The following SEC22B variants were observed in gnomAD, a reference collection of about 807,000 sequenced individuals.
The protein encoded by SEC22B is vesicle-trafficking protein SEC22b.
A neutral mutation model predicts 31.4 loss-of-function variants in SEC22B; 10 were observed. That is an observed-to-expected ratio of 0.32 (90% CI 0.20 to 0.54). SEC22B has a LOEUF of 0.54. Among genes scored for constraint, SEC22B ranks in the 20% least tolerant of loss-of-function variants. The pLI is 0.94. For synonymous variants in SEC22B, 60 were observed against 95.9 expected (o/e 0.63, Z 2.19); for missense variants, 130 against 263.4 (o/e 0.49, Z 3.50).
chr1:120,155,691 A>C lies in SEC22B; in HGVS notation c.*1347T>G, dbSNP rs1657619045. The C allele has an allele frequency of 6.6e-6, 1 of 151,912 alleles. No homozygotes were observed. The highest frequency in any genetic ancestry group is 1.5e-5 in the Non-Finnish European group (1 of 67,878). 9.4% of individuals were successfully genotyped at this position (151,912 alleles called of 1,614,324 possible). A position where few individuals can be genotyped will look rare whatever the true frequency, so the allele number is the denominator to read the frequency against. On this transcript the variant is annotated 3_prime_UTR_variant, in exon 5 of 5. Transcript: ENST00000578049. ...TCATTTTCCTGTGCAATTTAAAGAA[A>C]TATTTGCAGTATGTACAGGAATTTT... is the stretch of plus-strand genomic sequence containing the variant.
rs1657572417 is a variant in SEC22B, at chr1:120,153,117, T to G, written c.*3921A>C. The G allele has an allele frequency of 6.6e-6, 1 of 151,956 alleles. No homozygotes were observed. The highest frequency in any genetic ancestry group is 2.4e-5 in the African/African-American group (1 of 41,280). The allele number at this position is 151,956 out of a possible 1,614,324, so 9.4% of individuals were successfully genotyped here. On this transcript the variant is annotated 3_prime_UTR_variant, in exon 5 of 5. Transcript: ENST00000578049. ...GACTACATTGCTTCAGATAGTTTTA[T>G]ACTGCTAGGTCAACGCTGCCTGACA...
At position 120,151,007 on chromosome 1, in the gene SEC22B, T is replaced by C. The variant is rs1305000222; in HGVS notation, c.*6031A>G. The stretch of plus-strand genomic sequence containing the variant: ...CCCAGTCTCAGTGTCAAGAGAAAGA[T>C]GTTAATCCATCTTAGCAACCTAATT... On this transcript the variant is annotated 3_prime_UTR_variant, in exon 5 of 5. Transcript: ENST00000578049. 6.6e-6 allele frequency: 1 copy of C among 152,206 alleles called. No homozygotes were observed. The highest frequency in any genetic ancestry group is 1.5e-5 in the Non-Finnish European group (1 of 68,030). 9.4% of individuals were successfully genotyped at this position (152,206 alleles called of 1,614,324 possible). A position where few individuals can be genotyped will look rare whatever the true frequency, so the allele number is the denominator to read the frequency against.
Position 120,156,519 on chromosome 1 carries a change from C to T in SEC22B, c.*519G>A, listed in dbSNP as rs1657627718. 1 of 139,696 alleles carries T rather than the reference C, an allele frequency of 7.2e-6. No homozygotes were observed. Among genetic ancestry groups the T allele is most frequent in the Non-Finnish European group, 1.5e-5 (1 of 65,314 alleles). 8.7% of individuals were successfully genotyped at this position (139,696 alleles called of 1,614,324 possible). On this transcript the variant is annotated 3_prime_UTR_variant, in exon 5 of 5. Coordinates refer to ENST00000578049, the MANE Select transcript of SEC22B (RefSeq NM_004892.6). The stretch of plus-strand genomic sequence containing the variant: ...GAGCACAGCAATTAACCTTCACATA[C>T]TGGAGTCTTGTTTAAAAGGCCATCA...
chr1:120,165,002 A>G (rs1657783991), intron 2 of SEC22B, among the ~76,000 whole-genome samples: 1 of 151,938 alleles, frequency 6.6e-6, no homozygotes, highest in Admixed American at 6.6e-5. Flanking sequence ...CATTTCTCCA[A>G]TAATTAGTGA....
chr1:120,163,315 T>C lies in SEC22B; in HGVS notation c.241A>G (p.Lys81Glu). The stretch of plus-strand genomic sequence containing the variant: ...TCTAGGTAGGCAAAAGCCAACTTCT[T>C]AGGGAAGGCAGCTTCACATAAAACC... ...YLVLCEAAFP[K>E]KLAFAYLEDL... The change falls in exon 3 of 5, where the codon AAG becomes GAG. Residue 81 changes from lysine to glutamate, a missense_variant. This residue lies in a region of SEC22B where 41 missense variants were observed against 124.9 expected (regional missense o/e 0.33). Transcript: ENST00000578049. 1.2e-6 allele frequency: 2 copies of C among 1,608,566 alleles called. No individual in the cohort carries two copies. The highest frequency in any genetic ancestry group is 1.7e-6 in the Non-Finnish European group (2 of 1,177,030).
At chr1:120,163,945 C>CTT (rs1169530604) in intron 2 of SEC22B, among the ~76,000 whole-genome samples, 9,670 of 68,550 alleles carry the variant, frequency 0.14, 561 homozygotes, top group Non-Finnish European at 0.19. Flanking sequence ...ATTAGATTCT[C>CTT]TTTTTTTTTT....
chr1:120,166,612 T>C (rs1398274063), intron 2 of SEC22B, among the ~76,000 whole-genome samples: 3 of 146,236 alleles, frequency 2.1e-5, no homozygotes, highest in East Asian at 2.0e-4. Flanking sequence ...GAGAGTAGAA[T>C]TGTGGGTATT....
chr1:120,169,281 T>C (rs1657858081), intron 1 of SEC22B, among the ~76,000 whole-genome samples: 1 of 152,208 alleles, frequency 6.6e-6, no homozygotes, highest in South Asian at 2.1e-4. Context: ...GGCACAGAAC[T>C]ACACAGCATG....
chr1:120,164,660 C>A (rs1247770967), intron 2 of SEC22B, among the ~76,000 whole-genome samples: 1 of 152,158 alleles, frequency 6.6e-6, no homozygotes, highest in Admixed American at 6.6e-5. Context: ...TTTCTTTATC[C>A]AATCCACCAC....
intron 1 of SEC22B, among the ~76,000 whole-genome samples, chr1:120,170,630 T>C (rs1484891084): frequency 2.0e-5 from 3 of 150,846 alleles, no homozygotes; most frequent in Non-Finnish European, 4.4e-5. Context: ...ATTTGTTTTA[T>C]TGACATATAT....
chr1:120,159,571 G>A (rs1304235406), intron 4 of SEC22B, among the ~76,000 whole-genome samples: 5 of 149,146 alleles, frequency 3.4e-5, no homozygotes, highest in Non-Finnish European at 7.4e-5. Context: ...ATGGTAAGAG[G>A]TATTTAATAA....
intron 1 of SEC22B, among the ~76,000 whole-genome samples, chr1:120,169,471 A>C (rs1446346889): frequency 6.6e-6 from 1 of 152,300 alleles, no homozygotes; most frequent in Non-Finnish European, 1.5e-5. Context: ...AAAATGACCA[A>C]GGGTAGAGAC....
At chr1:120,164,321 C>T (rs1192349690) in intron 2 of SEC22B, among the ~76,000 whole-genome samples, 3 of 144,628 alleles carry the variant, frequency 2.1e-5, no homozygotes, top group Admixed American at 1.4e-4. Flanking sequence ...TGTATATGTG[C>T]GGGTTTGTTA....
At position 120,172,348 on chromosome 1, in the gene SEC22B, T is replaced by A. The variant is rs1256177482; in HGVS notation, c.76-3399A>T. Among the ~76,000 whole-genome samples the A allele has an allele frequency of 1.9e-3, 86 of 45,356 alleles. 1 individual carries two copies. Among genetic ancestry groups the A allele is most frequent in the South Asian group, 0.014 (15 of 1,060 alleles). The allele number at this position is 45,356 out of a possible 152,430, so 29.8% of individuals were successfully genotyped here. A position where few individuals can be genotyped will look rare whatever the true frequency, so the allele number is the denominator to read the frequency against. Reference sequence around the variant, plus strand: ...CTGCCAGCCACTGTTCTGAACACTTTACATTATTTAACTCGTTTATTCTTC... The same window carrying A: ...CTGCCAGCCACTGTTCTGAACACTTAACATTATTTAACTCGTTTATTCTTC... On this transcript the variant is annotated intron_variant, in intron 1 of 4. Coordinates refer to ENST00000578049, the MANE Select transcript of SEC22B (RefSeq NM_004892.6).
Position 120,176,426 on chromosome 1 carries a change from G to GC in SEC22B, c.-46dup. The stretch of plus-strand genomic sequence containing the variant: ...CCAACACTGGCCCGGAAGGCCCTTG[G>GC]CGCCGTCCTCACTTCCTCCGCCGCG... On this transcript the variant is annotated 5_prime_UTR_variant, in exon 1 of 5. Transcript: ENST00000578049. 1 of 1,568,022 alleles carries GC rather than the reference G, an allele frequency of 6.4e-7. No individual in the cohort carries two copies.
chr1:120,170,282 CTAAA>C (rs1657876220), intron 1 of SEC22B, among the ~76,000 whole-genome samples: 1 of 142,312 alleles, frequency 7.0e-6, no homozygotes, highest in African/African-American at 2.9e-5. Context: ...TGTTTAATAA[CTAAA>C]TATTTAAGTA....
chr1:120,176,165 C>CA, intron 1 of SEC22B, 142 bp downstream of exon 1: 1 of 695,712 alleles, frequency 1.4e-6, no homozygotes, highest in South Asian at 1.8e-5. Flanking sequence ...TCTCCTACAC[C>CA]AAAAGATAAA....
Position 120,152,645 on chromosome 1 carries a change from A to G in SEC22B, c.*4393T>C, listed in dbSNP as rs1447167838. On this transcript the variant is annotated 3_prime_UTR_variant, in exon 5 of 5. Transcript: ENST00000578049. ...GTAAAAAAGGGAAAACAAAATAACA[A>G]AAGCAAAAACTATTTAAAAAGAATA... 6 of 150,408 alleles carry G rather than the reference A, an allele frequency of 4.0e-5. No homozygotes were observed. Among genetic ancestry groups the G allele is most frequent in the Admixed American group, 4.0e-4 (6 of 15,182 alleles). The allele number at this position is 150,408 out of a possible 1,614,324, so 9.3% of individuals were successfully genotyped here.
intron 2 of SEC22B, among the ~76,000 whole-genome samples, chr1:120,163,747 T>A (rs1435211803): frequency 1.3e-5 from 2 of 151,130 alleles, no homozygotes; most frequent in Non-Finnish European, 2.9e-5. Context: ...AGCTAATTTT[T>A]GTATTTTTAG....
Sources: allele counts gnomAD v4.1 joint callset (sites outside exome capture counted in the v4.1 genomes callset), GRCh38; gene constraint gnomAD v4.1.1; regional missense constraint gnomAD v4.1.1; transcripts MANE v1.5; gene names NCBI Gene and HGNC (gene_info 2026-07-23, HGNC 2026-07-21).